Variants in GNAS observed in about 807,000 individuals in gnomAD.
GNAS encodes protein ALEX.
A neutral mutation model predicts 54.5 loss-of-function variants in GNAS; 8 were observed. That is an observed-to-expected ratio of 0.15 (90% CI 0.09 to 0.26). The LOEUF is 0.26. Ranked by LOEUF, GNAS falls within the 10% of genes least tolerant of loss-of-function variation. GNAS has a pLI of 1.00. For missense variants in GNAS, 170 were observed against 529.8 expected (o/e 0.32, Z 6.67); for synonymous variants, 204 against 191.4 (o/e 1.07, Z -0.54).
Position 58,891,688 on chromosome 20 carries a change from GCCGCAGCCCGGCCGCGCC to G in GNAS, c.-34_-17del. ...CGTGAGGCCGCCCGCGCCCGCCGCC[GCCGCAGCCCGGCCGCGCC>G]CCGCCGCCGCCGCCGCCGCCATGGG... is the stretch of plus-strand genomic sequence containing the variant. On this transcript the variant is annotated 5_prime_UTR_variant, in exon 1 of 13. Transcript: ENST00000371085. 1 of 974,738 alleles carries G rather than the reference GCCGCAGCCCGGCCGCGCC, an allele frequency of 1.0e-6. No homozygotes were observed. Among genetic ancestry groups the G allele is most frequent in the Non-Finnish European group, 1.2e-6 (1 of 824,668 alleles). The allele number at this position is 974,738 out of a possible 1,614,324, so 60.4% of individuals were successfully genotyped here.
intron 1 of GNAS, among the ~76,000 whole-genome samples, chr20:58,870,588 G>C (rs760725396): frequency 6.6e-6 from 1 of 152,212 alleles, no homozygotes; most frequent in Non-Finnish European, 1.5e-5. Context: ...GTTTTGGTTG[G>C]GGCTCTCATC....
intron 2 of GNAS, chr20:58,897,379 A>G (rs1369244031): frequency 6.6e-6 from 1 of 152,222 alleles, no homozygotes; most frequent in Non-Finnish European, 1.5e-5. Context: ...AGGAGTACTT[A>G]CTTATTCATG....
chr20:58,850,669 C>T (rs2086123101), intron 1 of GNAS: 2 of 399,156 alleles, frequency 5.0e-6, no homozygotes, highest in South Asian at 1.3e-4. Flanking sequence ...TCACCTTGCC[C>T]GGCAGTGGCA....
Position 58,910,467 on chromosome 20 carries a change from C to A in GNAS, c.1038+66C>A. 7.4e-7 allele frequency: 1 copy of A among 1,344,838 alleles called. No individual in the cohort carries two copies. Among genetic ancestry groups the A allele is most frequent in the Non-Finnish European group, 1.1e-6 (1 of 935,646 alleles). 83.3% of individuals were successfully genotyped at this position (1,344,838 alleles called of 1,614,324 possible). On this transcript the variant is annotated intron_variant, in intron 12 of 12. Transcript: ENST00000371085. This position sits in a 1 kb window ranked among gnomAD's most constrained non-coding sequence, Gnocchi z 5.8. Reference sequence around the variant, plus strand: ...TCTTTTTCTCATGGATGTAAATTTACTTAATTCCAAATTCAGGGGTTCAGC... The same window carrying A: ...TCTTTTTCTCATGGATGTAAATTTAATTAATTCCAAATTCAGGGGTTCAGC...
chr20:58,844,858 C>A (rs921122615), intron 1 of GNAS, among the ~76,000 whole-genome samples: 4 of 151,990 alleles, frequency 2.6e-5, no homozygotes, highest in African/African-American at 9.7e-5. Context: ...AAAAAAAGCA[C>A]CAGCTAGGAA....
In GNAS at chr20:58,853,960, G is replaced by T. The variant is rs1243683954; in HGVS notation, c.43+13074G>T. The T allele has an allele frequency of 1.9e-6, 3 of 1,612,172 alleles. No homozygotes were observed. Among genetic ancestry groups the T allele is most frequent in the Non-Finnish European group, 2.5e-6 (3 of 1,179,740 alleles). Reference sequence around the variant, plus strand: ...ATGCCATTTGAGCTTGATGGAGAAGGATTTGGGGACGACAGCCCACCCCCG... The same window carrying T: ...ATGCCATTTGAGCTTGATGGAGAAGTATTTGGGGACGACAGCCCACCCCCG... On this transcript the variant is annotated intron_variant, in intron 1 of 12. Coordinates refer to the GNAS transcript ENST00000306090. The surrounding 1 kb of genome is among the most constrained non-coding windows in gnomAD (Gnocchi z 4.4).
In GNAS at chr20:58,898,676, C is replaced by T. The variant is rs1464713869; in HGVS notation, c.213-265C>T. ...CACAAGAAAACAATTATCCATCCCT[C>T]CTGTCTCCGACCAGAGTCTCCAGAG... On this transcript the variant is annotated intron_variant, in intron 2 of 12. Coordinates refer to ENST00000371085, the MANE Select transcript of GNAS (RefSeq NM_000516.7). 50 of 580,302 alleles carry T rather than the reference C, an allele frequency of 8.6e-5. No homozygotes were observed. The East Asian group carries it at 1.3e-3, about 15-fold the overall frequency. 35.9% of individuals were successfully genotyped at this position (580,302 alleles called of 1,614,324 possible). A position where few individuals can be genotyped will look rare whatever the true frequency, so the allele number is the denominator to read the frequency against.
intron 1 of GNAS, among the ~76,000 whole-genome samples, chr20:58,851,958 A>G (rs2086193335): frequency 6.6e-6 from 1 of 152,176 alleles, no homozygotes; most frequent in South Asian, 2.1e-4. Flanking sequence ...TTCAGTGCGC[A>G]CAGCGTTGTC....
At chr20:58,906,065 G>C (rs2091022513) in intron 6 of GNAS, among the ~76,000 whole-genome samples, 1 of 152,082 alleles carries the variant, frequency 6.6e-6, no homozygotes, top group Admixed American at 6.6e-5. Context: ...TTCTCACCGG[G>C]TCTTGATTCA....
chr20:58,855,670 GC>G, intron 1 of GNAS: 3 of 660,668 alleles, frequency 4.5e-6, no homozygotes, highest in Admixed American at 2.2e-5. Context: ...CCGGGGAGGG[GC>G]CCCGGGGCCC....
chr20:58,904,904 G>A (rs1470367452), intron 5 of GNAS, among the ~76,000 whole-genome samples: 1 of 152,102 alleles, frequency 6.6e-6, no homozygotes, highest in African/African-American at 2.4e-5. Context: ...ACTAACATCT[G>A]AACTTTTATG....
At chr20:58,887,462 C>T (rs192248585), upstream of GNAS, among the ~76,000 whole-genome samples, 8 of 152,272 alleles carry the variant, frequency 5.3e-5, no homozygotes, top group East Asian at 1.3e-3. Flanking sequence ...GGTAGTGAGC[C>T]TCACTATCAC....
chr20:58,882,857 G>C (rs1163097269), intron 1 of GNAS: 2 of 152,156 alleles, frequency 1.3e-5, no homozygotes, highest in Non-Finnish European at 2.9e-5. Flanking sequence ...ATCTGTGGCA[G>C]CCACTGCCTT....
chr20:58,894,480 A>G (rs1347692533), intron 1 of GNAS, among the ~76,000 whole-genome samples: 2 of 152,244 alleles, frequency 1.3e-5, no homozygotes, highest in Non-Finnish European at 2.9e-5. Context: ...CTATCTGGGC[A>G]TTAAAACAAA....
rs200653711 is a variant in GNAS at position 58,854,574 on chromosome 20, G to T, written c.43+13688G>T. The T allele has an allele frequency of 1.0e-5, 16 of 1,551,756 alleles. No individual in the cohort carries two copies. The highest frequency in any genetic ancestry group is 5.9e-5 in the South Asian group (5 of 85,262). ...TCCCGACTCCGGGGCAGCCCCTGCCGCCCCAGCCGATCCCGACTCCGGGGC... is the reference window on the plus strand; with the variant it reads ...TCCCGACTCCGGGGCAGCCCCTGCCTCCCCAGCCGATCCCGACTCCGGGGC... On this transcript the variant is annotated intron_variant, in intron 1 of 12. Coordinates refer to the GNAS transcript ENST00000306090.
In GNAS at chr20:58,841,611, T is replaced by C; in HGVS notation, c.43+725T>C. ...GACCGCCTCAAAGAGCGTGCGCACC[T>C]GCCCGCGCGCGCCGGAGCTGACCTC... On this transcript the variant is annotated intron_variant, in intron 1 of 12. Coordinates refer to the GNAS transcript ENST00000306090. The surrounding 1 kb of genome is among the most constrained non-coding windows in gnomAD (Gnocchi z 5.0). The C allele has an allele frequency of 1.9e-6, 2 of 1,041,606 alleles. No homozygotes were observed. Among genetic ancestry groups the C allele is most frequent in the South Asian group, 9.2e-5 (2 of 21,768 alleles). The allele number at this position is 1,041,606 out of a possible 1,614,324, so 64.5% of individuals were successfully genotyped here.
intron 1 of GNAS, among the ~76,000 whole-genome samples, chr20:58,869,946 G>C (rs745358200): frequency 5.8e-4 from 88 of 152,268 alleles, no homozygotes; most frequent in South Asian, 1.7e-3. Context: ...TTGGTTCCAA[G>C]AACAGGTACC....
At chr20:58,867,409 C>T (rs2087128158) in intron 1 of GNAS, 1 of 152,206 alleles carries the variant, frequency 6.6e-6, no homozygotes, top group African/African-American at 2.4e-5. Flanking sequence ...TGGAAATGTT[C>T]CTGATGGGAT....
chr20:58,872,621 T>C (rs1338297009), intron 1 of GNAS, among the ~76,000 whole-genome samples: 1 of 152,138 alleles, frequency 6.6e-6, no homozygotes, highest in Non-Finnish European at 1.5e-5. Flanking sequence ...TTTTATTCTC[T>C]TGGGTTATGT....
Sources: gnomAD v4.1 joint callset for allele counts (sites outside exome capture counted in the v4.1 genomes callset) on GRCh38, gnomAD v4.1.1 for gene constraint, Gnocchi (gnomAD v3.1) non-coding constraint, MANE v1.5 for transcripts, NCBI Gene and HGNC (gene_info 2026-07-23, HGNC 2026-07-21) for gene names.